TEX11: variants seen among roughly 807,000 people sequenced by gnomAD.
The protein encoded by TEX11 is testis-expressed protein 11.
A neutral mutation model predicts 84.4 loss-of-function variants in TEX11; 7 were observed. The ratio of observed to expected loss-of-function variants is 0.08; its 90% confidence interval spans 0.05 to 0.16. TEX11 has a LOEUF of 0.16. Ranked by LOEUF, TEX11 falls within the 10% of genes least tolerant of loss-of-function variation. The probability of loss-of-function intolerance (pLI) is 1.00; values close to 1 mark genes in which losing one functional copy is unlikely to be tolerated. For missense variants in TEX11, 551 were observed against 660.5 expected, an observed-to-expected ratio of 0.83 and a Z score of 1.82; for synonymous variants, 264 against 222.8, an observed-to-expected ratio of 1.18 and a Z score of -1.64.
At chrX:70,848,330 G>A (rs2091490054) in intron 7 of TEX11, among the ~76,000 whole-genome samples, 2 of 111,914 alleles carry the variant, frequency 1.8e-5, no homozygotes, top group Admixed American at 9.6e-5. Context: ...TTCCTTAAAC[G>A]TGGCATGCAC....
At chrX:70,792,083 C>T (rs1239438545) in intron 9 of TEX11, among the ~76,000 whole-genome samples, 2 of 97,871 alleles carry the variant, frequency 2.0e-5, no homozygotes, top group East Asian at 6.4e-4. Flanking sequence ...CGAGATTGCG[C>T]CATTGCACTC....
intron 28 of TEX11, among the ~76,000 whole-genome samples, chrX:70,538,259 C>T (rs2087987884): frequency 9.0e-6 from 1 of 110,680 alleles, no homozygotes; most frequent in Admixed American, 9.7e-5. Context: ...TTGGGAAATA[C>T]AGAGTTGTTA....
At chrX:70,705,563 G>C (rs1292566603) in intron 13 of TEX11, among the ~76,000 whole-genome samples, 119 of 111,485 alleles carry the variant, frequency 1.1e-3, no homozygotes, top group Non-Finnish European at 1.5e-3. Flanking sequence ...CTACTCATCT[G>C]ACAAAGGGCT....
At chrX:70,865,324 A>G (rs1479083810) in intron 4 of TEX11, among the ~76,000 whole-genome samples, 2 of 112,170 alleles carry the variant, frequency 1.8e-5, no homozygotes, top group African/African-American at 6.5e-5. Context: ...TAAAGGGATC[A>G]ATTCAACAAG....
intron 25 of TEX11, among the ~76,000 whole-genome samples, chrX:70,575,637 G>A (rs923481572): frequency 9.0e-6 from 1 of 111,411 alleles, no homozygotes; most frequent in African/African-American, 3.3e-5. Context: ...AGACTTCCCA[G>A]CCTCCAGAAA....
chrX:70,892,734 A>G (rs753333824), intron 2 of TEX11, among the ~76,000 whole-genome samples: 2 of 106,336 alleles, frequency 1.9e-5, no homozygotes, highest in African/African-American at 6.7e-5. Flanking sequence ...CTTAGTCTCA[A>G]AAAAAAAAAA....
intron 25 of TEX11, among the ~76,000 whole-genome samples, chrX:70,570,555 A>G (rs1208525105): frequency 1.5e-4 from 17 of 111,209 alleles, no homozygotes; most frequent in Non-Finnish European, 1.9e-5. Flanking sequence ...CTTGGCTCCA[A>G]CCCAAAATCT....
intron 25 of TEX11, among the ~76,000 whole-genome samples, chrX:70,567,564 A>C (rs1023277974): frequency 2.7e-5 from 3 of 110,428 alleles, no homozygotes; most frequent in African/African-American, 9.9e-5. Flanking sequence ...TTCCCTCTAC[A>C]TACTGTTTTG....
At chrX:70,876,946 A>G (rs2091658558) in intron 3 of TEX11, among the ~76,000 whole-genome samples, 1 of 111,180 alleles carries the variant, frequency 9.0e-6, no homozygotes, top group Admixed American at 9.6e-5. Flanking sequence ...AACTCTTGGA[A>G]TCTTATAATT....
intron 3 of TEX11, among the ~76,000 whole-genome samples, chrX:70,876,379 G>A: frequency 9.0e-6 from 1 of 111,218 alleles, no homozygotes; most frequent in Non-Finnish European, 1.9e-5. Context: ...ATAAATTCTT[G>A]TATTTTCTCA....
At chrX:70,780,997 G>T (rs781420608) in intron 9 of TEX11, among the ~76,000 whole-genome samples, 1 of 112,471 alleles carries the variant, frequency 8.9e-6, no homozygotes, top group Admixed American at 9.4e-5. Context: ...TGGACAGACT[G>T]CCTCCTCAAG....
chrX:70,711,720 T>C (rs1248953451), intron 13 of TEX11, among the ~76,000 whole-genome samples: 2 of 111,478 alleles, frequency 1.8e-5, no homozygotes, highest in African/African-American at 6.5e-5. Context: ...TTGCAAAAAT[T>C]TTCTCCCATT....
intron 20 of TEX11, among the ~76,000 whole-genome samples, chrX:70,616,930 ATAGT>A (rs1429264596): frequency 9.0e-6 from 1 of 111,524 alleles, no homozygotes; most frequent in Non-Finnish European, 1.9e-5. Context: ...GTACAAAGAA[ATAGT>A]TAGGAAGAAT....
chrX:70,600,155 AT>A (rs1481456546), intron 24 of TEX11, among the ~76,000 whole-genome samples: 1 of 111,163 alleles, frequency 9.0e-6, no homozygotes, highest in Non-Finnish European at 1.9e-5. Context: ...AAGTGTTCCT[AT>A]TTCTCCACAT....
rs780227978 is a variant in TEX11, at chrX:70,537,346, C to A, written c.2521-7347G>T. Among the ~76,000 whole-genome samples, 3 of 111,395 alleles carry A rather than the reference C, an allele frequency of 2.7e-5. No homozygotes were observed. In the South Asian group the frequency reaches 1.1e-3, roughly 43 times the overall value. On this transcript the variant is annotated intron_variant, in intron 28 of 29. Coordinates refer to ENST00000374333, the MANE Select transcript of TEX11 (RefSeq NM_031276.3). ...CAATGAGAACCCACTGAAAGCTTAA[C>A]AGAATGAATCTGTACTGGGCCAGAT...
At chrX:70,674,347 G>A in intron 15 of TEX11, among the ~76,000 whole-genome samples, 1 of 111,867 alleles carries the variant, frequency 8.9e-6, no homozygotes, top group African/African-American at 3.2e-5. Flanking sequence ...TGTGAATAGT[G>A]CTGCAATGAA....
intron 8 of TEX11, among the ~76,000 whole-genome samples, chrX:70,811,655 G>A (rs1183122278): frequency 1.8e-5 from 2 of 110,748 alleles, no homozygotes; most frequent in East Asian, 2.8e-4. Flanking sequence ...GTGTAAAAGT[G>A]TTCCTATTTC....
chrX:70,806,673 C>T (rs1199277410), intron 9 of TEX11, 32 bp downstream of exon 9: 5 of 981,534 alleles, frequency 5.1e-6, no homozygotes, highest in East Asian at 3.2e-5. Flanking sequence ...ATAATATTCC[C>T]GAGTTTACAT....
the TEX11 span, among the ~76,000 whole-genome samples, chrX:70,514,473 T>C: frequency 9.1e-6 from 1 of 109,322 alleles, no homozygotes; most frequent in Non-Finnish European, 1.9e-5. Flanking sequence ...CGGGTGCCTG[T>C]AGTCCCAGCT....
Sources: gnomAD v4.1 joint callset for allele counts (sites outside exome capture counted in the v4.1 genomes callset) on GRCh38, gnomAD v4.1.1 for gene constraint, MANE v1.5 for transcripts, NCBI Gene and HGNC (gene_info 2026-07-23, HGNC 2026-07-21) for gene names.